Variants in SPMIP8 observed in about 807,000 individuals in gnomAD.
SPMIP8 encodes the protein sperm microtubule inner protein 8.
At chr16:57,985,230 T>C in the SPMIP8 span, 7 of 1,551,056 alleles carry the variant, frequency 4.5e-6, no homozygotes, top group South Asian at 1.2e-5. Flanking sequence ...GGCTACGCGG[T>C]GCGGTACTTG....
At chr16:57,985,327 C>G in the SPMIP8 span, 2 of 1,542,538 alleles carry the variant, frequency 1.3e-6, no homozygotes, top group Non-Finnish European at 1.7e-6. Context: ...TGGTGGGGAG[C>G]GGCTTAAGCC....
At chr16:57,985,204 A>T in the SPMIP8 span, 3 of 1,528,986 alleles carry the variant, frequency 2.0e-6, no homozygotes, top group Non-Finnish European at 2.6e-6. Context: ...TTCTGTTCGC[A>T]GCGGAGGGTC....
the SPMIP8 span, chr16:57,985,887 C>T: frequency 1.2e-6 from 2 of 1,607,552 alleles, no homozygotes; most frequent in Admixed American, 1.7e-5. Flanking sequence ...ATCTCGTGCT[C>T]ACCCGCCCCG....
chr16:57,977,465 C>T, the SPMIP8 span, among the ~76,000 whole-genome samples: 2 of 149,702 alleles, frequency 1.3e-5, no homozygotes, highest in Admixed American at 6.7e-5. Context: ...ACTCAAATAC[C>T]ACCTCTTTTA....
At chr16:57,985,042 G>A in the SPMIP8 span, 2 of 1,088,918 alleles carry the variant, frequency 1.8e-6, no homozygotes, top group East Asian at 5.4e-5. Flanking sequence ...CGGGCCGGGG[G>A]CTTTGCCCTG....
At chr16:57,980,035 G>A in the SPMIP8 span, among the ~76,000 whole-genome samples, 1 of 152,212 alleles carries the variant, frequency 6.6e-6, no homozygotes, top group East Asian at 1.9e-4. Context: ...CTGCACTCCA[G>A]CCTGGGTGAC....
chr16:57,981,636 T>G, the SPMIP8 span, among the ~76,000 whole-genome samples: 1 of 147,924 alleles, frequency 6.8e-6, no homozygotes, highest in Non-Finnish European at 1.5e-5. Flanking sequence ...CTCAGCCTCC[T>G]GAGTAGCTAG....
the SPMIP8 span, chr16:57,985,053 G>A: frequency 9.0e-7 from 1 of 1,111,404 alleles, no homozygotes; most frequent in Non-Finnish European, 1.2e-6. Flanking sequence ...CTTTGCCCTG[G>A]TGGGGCAGCG....
the SPMIP8 span, chr16:57,977,690 C>G: frequency 8.4e-6 from 9 of 1,068,136 alleles, 1 homozygote; most frequent in South Asian, 1.5e-5. Flanking sequence ...GCCTGGCACA[C>G]AGTAGGTGCT....
the SPMIP8 span, among the ~76,000 whole-genome samples, chr16:57,984,969 A>C: frequency 6.6e-6 from 1 of 152,044 alleles, no homozygotes; most frequent in African/African-American, 2.4e-5. Context: ...TGGAGCCGAG[A>C]CGTGCGCGCG....
At chr16:57,985,863 G>A in the SPMIP8 span, 2 of 1,586,556 alleles carry the variant, frequency 1.3e-6, no homozygotes, top group Non-Finnish European at 1.7e-6. Context: ...GCCCAGAGAG[G>A]GTCGCCCCTT....
chr16:57,983,226 T>G, the SPMIP8 span, among the ~76,000 whole-genome samples: 1 of 152,026 alleles, frequency 6.6e-6, no homozygotes, highest in African/African-American at 2.4e-5. Context: ...CAAGCAATCC[T>G]CCTGCCTCAG....
chr16:57,985,276 C>G, the SPMIP8 span: 4 of 1,554,680 alleles, frequency 2.6e-6, no homozygotes, highest in Non-Finnish European at 2.6e-6. Context: ...GGGTAGGGAG[C>G]GCTGCGCGCA....
chr16:57,984,679 A>AG, the SPMIP8 span: 1 of 1,595,890 alleles, frequency 6.3e-7, no homozygotes, highest in Non-Finnish European at 8.5e-7. Flanking sequence ...AGGTACCACG[A>AG]GGGAAAGCTG....
At chr16:57,982,452 A>G in the SPMIP8 span, among the ~76,000 whole-genome samples, 2 of 152,198 alleles carry the variant, frequency 1.3e-5, no homozygotes, top group Non-Finnish European at 2.9e-5. Context: ...AGACAGTCCC[A>G]TATGGTGAAT....
the SPMIP8 span, among the ~76,000 whole-genome samples, chr16:57,983,474 T>A: frequency 6.6e-6 from 1 of 152,208 alleles, no homozygotes; most frequent in African/African-American, 2.4e-5. Flanking sequence ...TTAATTAAAA[T>A]TATTAAGGCC....
At chr16:57,980,605 T>C in the SPMIP8 span, among the ~76,000 whole-genome samples, 2 of 152,224 alleles carry the variant, frequency 1.3e-5, no homozygotes, top group African/African-American at 4.8e-5. Context: ...GTTTTAATAT[T>C]GCTTATCTCA....
At chr16:57,987,306 G>C in the SPMIP8 span, 2 of 1,315,294 alleles carry the variant, frequency 1.5e-6, no homozygotes, top group Non-Finnish European at 2.0e-6. Context: ...CTGGCTGGAA[G>C]CTGTGTTTTC....
the SPMIP8 span, among the ~76,000 whole-genome samples, chr16:57,983,611 C>G: frequency 6.6e-6 from 1 of 151,714 alleles, no homozygotes; most frequent in Admixed American, 6.6e-5. Flanking sequence ...TTTAAGTTGT[C>G]AAATTAAAAA....
Sources: gnomAD v4.1 joint callset for allele counts (sites outside exome capture counted in the v4.1 genomes callset) on GRCh38, gnomAD v4.1.1 for gene constraint, MANE v1.5 for transcripts, NCBI Gene and HGNC (gene_info 2026-07-23, HGNC 2026-07-21) for gene names.